Variants in SIPA1L2 observed in about 807,000 individuals in gnomAD.
The protein encoded by SIPA1L2 is signal-induced proliferation-associated 1-like protein 2.
A neutral mutation model predicts 163.9 loss-of-function variants in SIPA1L2; 56 were observed. The ratio of observed to expected loss-of-function variants is 0.34; its 90% confidence interval spans 0.28 to 0.43. The LOEUF is 0.43. Ranked by LOEUF, SIPA1L2 falls within the 20% of genes least tolerant of loss-of-function variation. SIPA1L2 has a pLI of 1.00. For missense variants in SIPA1L2, 1,974 were observed against 2,193.5 expected, an observed-to-expected ratio of 0.90 and a Z score of 2.00; for synonymous variants, 877 against 865.7, an observed-to-expected ratio of 1.01 and a Z score of -0.23.
intron 1 of SIPA1L2, among the ~76,000 whole-genome samples, chr1:232,580,418 A>G (rs780574672): frequency 6.6e-6 from 1 of 152,176 alleles, no homozygotes; most frequent in Non-Finnish European, 1.5e-5. Flanking sequence ...CCTGTGACTA[A>G]GAATGTCTAA....
chr1:232,593,959 A>C (rs937848099), intron 1 of SIPA1L2, among the ~76,000 whole-genome samples: 1 of 152,224 alleles, frequency 6.6e-6, no homozygotes, highest in African/African-American at 2.4e-5. Flanking sequence ...CAGGCCCCTC[A>C]GTCAGCCCTG....
chr1:232,447,720 T>A (rs1238464462), intron 10 of SIPA1L2, among the ~76,000 whole-genome samples: 2 of 152,246 alleles, frequency 1.3e-5, no homozygotes, highest in South Asian at 4.1e-4. Flanking sequence ...CTGTTAGGCA[T>A]GTGATATACA....
chr1:232,620,914 C>T (rs779860549), intron 1 of SIPA1L2, among the ~76,000 whole-genome samples: 7 of 152,184 alleles, frequency 4.6e-5, no homozygotes, highest in Non-Finnish European at 1.0e-4. Flanking sequence ...AGCACTTATT[C>T]TTTGGGTGAG....
Position 232,485,922 on chromosome 1 carries a change from A to G in SIPA1L2, c.1807-1956T>C, listed in dbSNP as rs1019501958. 9.2e-5 allele frequency among the ~76,000 whole-genome samples: 14 copies of G among 152,150 alleles called. No homozygotes were observed. The East Asian group carries it at 2.7e-3, about 29-fold the overall frequency. ...CACCCAGTAGAATTGCTGCACCATC[A>G]TCCTCATCCTCGGAGGTCACTCTGC... is the stretch of plus-strand genomic sequence containing the variant. On this transcript the variant is annotated intron_variant, in intron 5 of 22. Coordinates refer to ENST00000674635, the MANE Select transcript of SIPA1L2 (RefSeq NM_020808.5).
chr1:232,458,993 A>AC (rs1309107817), intron 10 of SIPA1L2, among the ~76,000 whole-genome samples: 6 of 152,252 alleles, frequency 3.9e-5, no homozygotes, highest in Admixed American at 3.9e-4. Flanking sequence ...GAGAAAACTT[A>AC]GTTTCTTAAA....
At position 232,428,514 on chromosome 1, in the gene SIPA1L2, ACTGT is replaced by A; in HGVS notation, c.4303_4306del (p.Thr1435TrpfsTer19). 1 of 1,595,246 alleles carries A rather than the reference ACTGT, an allele frequency of 6.3e-7. No individual in the cohort carries two copies. Among genetic ancestry groups the A allele is most frequent in the Non-Finnish European group, 8.5e-7 (1 of 1,172,444 alleles). ...AGTCTCTGCAACAGCATCTCCCACCACTGTCTGATGCTGAGTTGCTGTGGACATG... is the reference window on the plus strand; with the variant it reads ...AGTCTCTGCAACAGCATCTCCCACCACTGATGCTGAGTTGCTGTGGACATG... On this transcript the variant is annotated frameshift_variant, in exon 17 of 23. Transcript: ENST00000674635. LOFTEE classifies it high-confidence loss of function.
At chr1:232,418,035 T>C (rs1661360405) in intron 18 of SIPA1L2, among the ~76,000 whole-genome samples, 1 of 152,360 alleles carries the variant, frequency 6.6e-6, no homozygotes. Flanking sequence ...CATCATGTTT[T>C]ACTAAGAAAT....
rs561168074 is a variant in SIPA1L2, at chr1:232,480,191, GTT to G, written c.1982-463_1982-462del. 0.014 allele frequency among the ~76,000 whole-genome samples: 1,189 copies of G among 84,318 alleles called. 41 individuals are homozygous for G. The East Asian group carries it at 0.17, about 12-fold the overall frequency. 55.3% of individuals were successfully genotyped at this position (84,318 alleles called of 152,430 possible). On this transcript the variant is annotated intron_variant, in intron 6 of 22. Transcript: ENST00000674635. ...TGTGTGTGTGTGTGTGTGTGTGTGT[GTT>G]TTTACAGTTAATTCTTAGTTATTCT...
At chr1:232,458,445 G>A (rs888130071) in intron 10 of SIPA1L2, among the ~76,000 whole-genome samples, 2 of 152,216 alleles carry the variant, frequency 1.3e-5, no homozygotes. Flanking sequence ...CTCCTAAATT[G>A]TATTTCTAAA....
intron 2 of SIPA1L2, among the ~76,000 whole-genome samples, chr1:232,544,525 A>G (rs1188519713): frequency 1.3e-5 from 2 of 151,210 alleles, no homozygotes; most frequent in Non-Finnish European, 2.9e-5. Context: ...ACGCCACTGC[A>G]CTCCAGCCTG....
chr1:232,399,222 C>T lies in SIPA1L2; in HGVS notation c.5074G>A (p.Asp1692Asn). 1.2e-6 allele frequency: 2 copies of T among 1,613,744 alleles called. No individual in the cohort carries two copies. The highest frequency in any genetic ancestry group is 1.7e-6 in the Non-Finnish European group (2 of 1,179,990). ...GACTCCTCCTGCAGTCTCATGTTGT[C>T]CTGTCTCAGGTGCTGCACTTCTGCT... ...LQAEVQHLRQDNMRLQEESQT... is the reference protein window; with the variant it reads ...LQAEVQHLRQNNMRLQEESQT... The change falls in exon 23 of 23, where the codon GAC (aspartate) becomes AAC (asparagine). Residue 1692 changes from aspartate to asparagine, a missense_variant. By Grantham distance (23) the Asp-to-Asn change is conservative. Around this residue, in one of 3 missense-constraint regions of SIPA1L2, gnomAD observed 1,079 missense variants for 1,150.7 expected, o/e 0.94. Transcript: ENST00000674635.
chr1:232,579,046 C>G (rs1229275742), intron 1 of SIPA1L2, among the ~76,000 whole-genome samples: 2 of 152,194 alleles, frequency 1.3e-5, no homozygotes, highest in African/African-American at 2.4e-5. Flanking sequence ...TGGTCTATCA[C>G]TGCGAGGAGG....
At chr1:232,445,380 G>GT (rs1663152210) in intron 11 of SIPA1L2, 149 bp downstream of exon 11, 6 of 1,140,226 alleles carry the variant, frequency 5.3e-6, no homozygotes, top group Non-Finnish European at 7.4e-6. Flanking sequence ...AGGCACCACT[G>GT]TGTCTGGGGC....
At chr1:232,551,351 A>G (rs1658369057) in intron 2 of SIPA1L2, among the ~76,000 whole-genome samples, 1 of 152,208 alleles carries the variant, frequency 6.6e-6, no homozygotes, top group Non-Finnish European at 1.5e-5. Context: ...ACTACCTAAG[A>G]GAGGAGCCCT....
At position 232,434,589 on chromosome 1, in the gene SIPA1L2, T is replaced by A. The variant is rs548882877; in HGVS notation, c.4032-2118A>T. Among the ~76,000 whole-genome samples the A allele has an allele frequency of 1.9e-3, 285 of 152,162 alleles. 1 individual carries two copies. The highest frequency in any genetic ancestry group is 6.5e-3 in the African/African-American group (268 of 41,534). ...GTGACCTGAGGAGTAAGGCAAGCAA[T>A]CAACAGGCATGAATAATAGGAGCTA... On this transcript the variant is annotated intron_variant, in intron 15 of 22. Transcript: ENST00000674635.
intron 1 of SIPA1L2, among the ~76,000 whole-genome samples, chr1:232,579,495 G>A (rs1030664883): frequency 6.6e-6 from 1 of 152,148 alleles, no homozygotes; most frequent in Non-Finnish European, 1.5e-5. Flanking sequence ...AAGAGAAGAA[G>A]AACAGAGGAG....
intron 2 of SIPA1L2, among the ~76,000 whole-genome samples, chr1:232,520,082 G>T (rs560579309): frequency 8.5e-5 from 13 of 152,232 alleles, no homozygotes; most frequent in African/African-American, 3.1e-4. Flanking sequence ...GTGAGAAGAC[G>T]GAGTTTGCCT....
At chr1:232,489,312 C>A (rs906092240) in intron 5 of SIPA1L2, among the ~76,000 whole-genome samples, 2 of 152,138 alleles carry the variant, frequency 1.3e-5, no homozygotes, top group Non-Finnish European at 2.9e-5. Context: ...CAACCCACCC[C>A]GATGTATCCT....
At chr1:232,490,552 C>A in intron 5 of SIPA1L2, 1 of 247,054 alleles carries the variant, frequency 4.0e-6, no homozygotes. Context: ...AGGAAAAGGG[C>A]CATAAGAGAT....
Sources: gnomAD v4.1 joint callset for allele counts (sites outside exome capture counted in the v4.1 genomes callset) on GRCh38, gnomAD v4.1.1 for gene constraint, gnomAD v4.1.1 regional missense constraint, MANE v1.5 for transcripts, NCBI Gene and HGNC (gene_info 2026-07-23, HGNC 2026-07-21) for gene names.